The following EYS variants were observed in gnomAD, a reference collection of about 807,000 sequenced individuals.
EYS encodes the protein EGF-like photoreceptor maintenance factor.
In EYS, 250 loss-of-function variants were observed where a neutral mutation model predicts 282.1. The ratio of observed to expected loss-of-function variants is 0.89; its 90% CI spans 0.80 to 0.98. The LOEUF (loss-of-function observed/expected upper bound fraction) is 0.98, where lower values mean the gene tolerates loss of function less well. Among genes scored for constraint, EYS ranks in the 50% least tolerant of loss-of-function variants. EYS has a pLI of 0.00. For synonymous variants in EYS, 1,355 were observed against 1,282.9 expected (o/e 1.06, Z -1.20); for missense variants, 4,016 against 3,709.0 (o/e 1.08, Z -2.15).
At chr6:64,490,188 T>C (rs1233364653) in intron 26 of EYS, among the ~76,000 whole-genome samples, 1 of 150,884 alleles carries the variant, frequency 6.6e-6, no homozygotes, top group Non-Finnish European at 1.5e-5. Context: ...GTAGGGAACC[T>C]GGGCCATATA....
intron 22 of EYS, among the ~76,000 whole-genome samples, chr6:64,792,719 A>G (rs1406281720): frequency 1.3e-5 from 2 of 152,058 alleles, no homozygotes; most frequent in Non-Finnish European, 2.9e-5. Flanking sequence ...TTGTTTATTT[A>G]TTTGGCATAG....
intron 26 of EYS, among the ~76,000 whole-genome samples, chr6:64,582,800 A>G (rs1261539512): frequency 6.6e-6 from 1 of 152,140 alleles, no homozygotes; most frequent in Non-Finnish European, 1.5e-5. Flanking sequence ...GCAAATAATG[A>G]ATGATCTGGA....
chr6:64,558,580 G>T (rs1765305908), intron 26 of EYS, among the ~76,000 whole-genome samples: 1 of 152,084 alleles, frequency 6.6e-6, no homozygotes, highest in Non-Finnish European at 1.5e-5. Flanking sequence ...TAGATTTCAA[G>T]ATAAAAAAGA....
At chr6:65,091,543 A>G (rs1774567472) in intron 12 of EYS, among the ~76,000 whole-genome samples, 1 of 152,106 alleles carries the variant, frequency 6.6e-6, no homozygotes, top group Non-Finnish European at 1.5e-5. Flanking sequence ...TTACGATTAA[A>G]AATAATCTGA....
chr6:64,371,849 G>A (rs1405155468), intron 29 of EYS, among the ~76,000 whole-genome samples: 2 of 151,850 alleles, frequency 1.3e-5, no homozygotes, highest in African/African-American at 4.8e-5. Flanking sequence ...TTGCCTTTTT[G>A]TTTTCCATTT....
At chr6:63,930,879 T>C (rs927544463) in intron 35 of EYS, among the ~76,000 whole-genome samples, 1 of 152,226 alleles carries the variant, frequency 6.6e-6, no homozygotes, top group African/African-American at 2.4e-5. Context: ...GAACATTTGA[T>C]TGAACCCATA....
chr6:63,842,536 A>T (rs1771988559), intron 36 of EYS, among the ~76,000 whole-genome samples: 1 of 151,710 alleles, frequency 6.6e-6, no homozygotes, highest in African/African-American at 2.4e-5. Context: ...GGTTGTAAAA[A>T]TTTTCTCCCA....
At chr6:65,080,731 A>G (rs574274103) in intron 12 of EYS, among the ~76,000 whole-genome samples, 1 of 152,130 alleles carries the variant, frequency 6.6e-6, no homozygotes, top group African/African-American at 2.4e-5. Context: ...AAAAAAAAAG[A>G]AATGAAAATG....
At chr6:64,391,721 C>T (rs1002558269) in intron 28 of EYS, among the ~76,000 whole-genome samples, 32 of 151,958 alleles carry the variant, frequency 2.1e-4, no homozygotes, top group African/African-American at 4.6e-4. Context: ...CATCAACTAA[C>T]GAGCAAAATA....
chr6:65,547,160 G>A (rs892892887), intron 2 of EYS, among the ~76,000 whole-genome samples: 9 of 150,616 alleles, frequency 6.0e-5, no homozygotes, highest in Non-Finnish European at 1.2e-4. Flanking sequence ...TCCTGCCACT[G>A]TATGCATATT....
intron 31 of EYS, among the ~76,000 whole-genome samples, chr6:64,215,524 CAGAGATAGTGCCTCTA>C (rs1400567121): frequency 3.9e-5 from 6 of 151,958 alleles, no homozygotes; most frequent in African/African-American, 1.4e-4. Flanking sequence ...GAGGAAAAGT[CAGAGATAGTGCCTCTA>C]ATTTGCTATA....
At chr6:64,990,168 TAATA>T (rs1771015917) in intron 14 of EYS, among the ~76,000 whole-genome samples, 1 of 151,694 alleles carries the variant, frequency 6.6e-6, no homozygotes, top group Admixed American at 6.6e-5. Context: ...GCTATTAAGT[TAATA>T]AATTGCTAAA....
rs561066437 is a variant in EYS at position 65,320,102 on chromosome 6, GA to G, written c.1766+14877del. 3.3e-5 allele frequency among the ~76,000 whole-genome samples: 5 copies of G among 151,822 alleles called. No homozygotes were observed. The South Asian group carries it at 1.0e-3, about 32-fold the overall frequency. On this transcript the variant is annotated intron_variant, in intron 11 of 42. Coordinates refer to ENST00000503581, the MANE Select transcript of EYS (RefSeq NM_001142800.2). ...GAACTGACAGAAAGACTAAAGAAAG[GA>G]ATTAACTAGCGAGTTTAAGTGGAGC...
At chr6:64,164,353 C>T (rs921311257) in intron 31 of EYS, among the ~76,000 whole-genome samples, 3 of 151,976 alleles carry the variant, frequency 2.0e-5, no homozygotes, top group African/African-American at 7.2e-5. Flanking sequence ...AAAATTATTA[C>T]AAAAGTTGTT....
At chr6:64,584,346 T>A (rs1329436655) in intron 26 of EYS, among the ~76,000 whole-genome samples, 1 of 151,842 alleles carries the variant, frequency 6.6e-6, no homozygotes, top group Non-Finnish European at 1.5e-5. Flanking sequence ...ATTTTCCATG[T>A]CAGTATTTAA....
At chr6:64,283,843 G>C (rs918519048) in intron 30 of EYS, among the ~76,000 whole-genome samples, 1 of 152,092 alleles carries the variant, frequency 6.6e-6, no homozygotes, top group Admixed American at 6.6e-5. Flanking sequence ...AGAAACCCCT[G>C]ATAAACCCAT....
At chr6:65,019,712 A>T (rs1772185528) in intron 13 of EYS, among the ~76,000 whole-genome samples, 1 of 152,172 alleles carries the variant, frequency 6.6e-6, no homozygotes, top group Non-Finnish European at 1.5e-5. Context: ...CAAAATTTCT[A>T]ACTCCAGGTA....
rs981521029 is a variant in EYS, at chr6:65,512,104, T to C, written c.-332-16111A>G. 2.6e-5 allele frequency among the ~76,000 whole-genome samples: 4 copies of C among 152,142 alleles called. No individual in the cohort carries two copies. The East Asian group carries it at 5.8e-4, about 22-fold the overall frequency. On this transcript the variant is annotated intron_variant, in intron 2 of 42. Transcript: ENST00000503581. ...TCTAATAAGTTGATCACCTTCAGGT[T>C]ACCATTTCTGTGAAATTTTTCCCTA...
chr6:64,158,130 A>G (rs1774990119), intron 31 of EYS, among the ~76,000 whole-genome samples: 2 of 152,124 alleles, frequency 1.3e-5, no homozygotes, highest in South Asian at 4.1e-4. Context: ...ATCAAAGGAG[A>G]TCATTTGGGG....
Sources: allele counts gnomAD v4.1 joint callset (sites outside exome capture counted in the v4.1 genomes callset), GRCh38; gene constraint gnomAD v4.1.1; transcripts MANE v1.5; gene names NCBI Gene and HGNC (gene_info 2026-07-23, HGNC 2026-07-21).